The following BLTP3B variants were observed in gnomAD, a reference collection of about 807,000 sequenced individuals.
BLTP3B encodes bridge-like lipid transfer protein family member 3B, also known as UHRF1 (ICBP90) binding protein 1-like.
chr12:100,128,023 C>T, the BLTP3B span, among the ~76,000 whole-genome samples: 1 of 152,082 alleles, frequency 6.6e-6, no homozygotes, highest in Admixed American at 6.6e-5. Flanking sequence ...CCCACCACCC[C>T]TACCACTTCA....
chr12:100,115,474 ATAAG>A, the BLTP3B span, among the ~76,000 whole-genome samples: 267 of 152,334 alleles, frequency 1.8e-3, 1 homozygote, highest in Non-Finnish European at 3.1e-3. Context: ...GTTTAAAACA[ATAAG>A]TAAGTATAGG....
At chr12:100,059,243 G>C in the BLTP3B span, 12 of 1,613,906 alleles carry the variant, frequency 7.4e-6, no homozygotes, top group Non-Finnish European at 9.3e-6. Context: ...TATTCAATTG[G>C]GGAGTAATAT....
chr12:100,072,542 C>A, the BLTP3B span: 2 of 873,246 alleles, frequency 2.3e-6, no homozygotes, highest in Non-Finnish European at 3.2e-6. Flanking sequence ...TGCTAGCTCT[C>A]AAAAAACTAA....
chr12:100,079,833 T>C, the BLTP3B span, among the ~76,000 whole-genome samples: 3 of 152,334 alleles, frequency 2.0e-5, no homozygotes, highest in African/African-American at 7.2e-5. Flanking sequence ...CTGTGCTATG[T>C]GCAGCCTAGG....
chr12:100,058,491 G>A, the BLTP3B span: 1 of 1,613,248 alleles, frequency 6.2e-7, no homozygotes. Context: ...TCTGTTGTCT[G>A]ACATATGATT....
At chr12:100,053,279 T>TGC in the BLTP3B span, among the ~76,000 whole-genome samples, 3,189 of 151,766 alleles carry the variant, frequency 0.021, 120 homozygotes, top group African/African-American at 0.073. Context: ...GTGGCACGCA[T>TGC]CTGTAATCCC....
the BLTP3B span, among the ~76,000 whole-genome samples, chr12:100,071,510 A>C: frequency 2.0e-5 from 3 of 147,620 alleles, no homozygotes; most frequent in Non-Finnish European, 4.6e-5. Context: ...AAAAAAAAAA[A>C]AAAAAAAAGG....
the BLTP3B span, chr12:100,086,275 C>T: frequency 6.7e-7 from 1 of 1,497,256 alleles, no homozygotes; most frequent in African/African-American, 1.4e-5. Flanking sequence ...TTATACACAC[C>T]TGCTTTATGA....
chr12:100,117,918 T>C, the BLTP3B span, among the ~76,000 whole-genome samples: 1 of 152,202 alleles, frequency 6.6e-6, no homozygotes, highest in Admixed American at 6.5e-5. Flanking sequence ...GGGACTCATT[T>C]ATATGCATCA....
At chr12:100,041,149 T>C in the BLTP3B span, among the ~76,000 whole-genome samples, 2 of 152,110 alleles carry the variant, frequency 1.3e-5, no homozygotes, top group Non-Finnish European at 2.9e-5. Flanking sequence ...TGCAAATGTA[T>C]CTATCATCCA....
the BLTP3B span, among the ~76,000 whole-genome samples, chr12:100,049,540 C>T: frequency 6.6e-6 from 1 of 152,250 alleles, no homozygotes; most frequent in East Asian, 1.9e-4. Flanking sequence ...TGGAGAATTG[C>T]TCTTGAATCT....
At chr12:100,095,634 G>A in the BLTP3B span, 1 of 1,572,666 alleles carries the variant, frequency 6.4e-7, no homozygotes, top group Non-Finnish European at 8.6e-7. Flanking sequence ...TTCATGTAAA[G>A]TAAGTATTTT....
chr12:100,127,770 T>A, the BLTP3B span, among the ~76,000 whole-genome samples: 1 of 152,182 alleles, frequency 6.6e-6, no homozygotes, highest in Non-Finnish European at 1.5e-5. Flanking sequence ...CCTAGCACTT[T>A]GGGAGGCCTA....
At chr12:100,076,452 G>A in the BLTP3B span, among the ~76,000 whole-genome samples, 1 of 145,828 alleles carries the variant, frequency 6.9e-6, no homozygotes, top group Non-Finnish European at 1.5e-5. Context: ...GGAGTGCAGT[G>A]GCACAATCTC....
At chr12:100,116,147 G>A in the BLTP3B span, among the ~76,000 whole-genome samples, 4 of 150,480 alleles carry the variant, frequency 2.7e-5, no homozygotes, top group African/African-American at 4.9e-5. Flanking sequence ...ACTCCAGCCC[G>A]GGTGACAGAA....
chr12:100,075,972 G>C, the BLTP3B span, among the ~76,000 whole-genome samples: 2 of 152,048 alleles, frequency 1.3e-5, no homozygotes, highest in East Asian at 1.9e-4. Flanking sequence ...GGGAGGAAGG[G>C]GAATAAGGGC....
chr12:100,140,845 A>AT, the BLTP3B span, among the ~76,000 whole-genome samples: 3 of 146,576 alleles, frequency 2.0e-5, no homozygotes, highest in Non-Finnish European at 4.5e-5. Flanking sequence ...TTTGTTCTTA[A>AT]TTTTTTTTAT....
At chr12:100,111,508 G>A in the BLTP3B span, among the ~76,000 whole-genome samples, 178 of 152,098 alleles carry the variant, frequency 1.2e-3, no homozygotes, top group Non-Finnish European at 8.2e-4. Context: ...CTAGAGTGCA[G>A]TGGTTTGATT....
the BLTP3B span, chr12:100,037,844 G>T: frequency 8.3e-7 from 1 of 1,211,942 alleles, no homozygotes; most frequent in Non-Finnish European, 1.1e-6. Context: ...TATGACACTT[G>T]GGATAGTAAA....
Sources: gnomAD v4.1 joint callset for allele counts (sites outside exome capture counted in the v4.1 genomes callset) on GRCh38, gnomAD v4.1.1 for gene constraint, MANE v1.5 for transcripts, NCBI Gene and HGNC (gene_info 2026-07-23, HGNC 2026-07-21) for gene names.